The following RPH3AL variants were observed in gnomAD, a reference collection of about 807,000 sequenced individuals.
RPH3AL encodes the protein rabphilin 3A like (without C2 domains), also known as rab effector Noc2.
Under a neutral mutation model 43.1 loss-of-function variants are expected in RPH3AL, and 38 were observed. The ratio of observed to expected loss-of-function variants is 0.88; its 90% confidence interval spans 0.68 to 1.15. The LOEUF (loss-of-function observed/expected upper bound fraction) is 1.15, where lower values mean the gene tolerates loss of function less well. RPH3AL is among the 50% of genes most tolerant of loss of function. The probability of loss-of-function intolerance (pLI) is 0.00; values close to 1 mark genes in which losing one functional copy is unlikely to be tolerated. For synonymous variants in RPH3AL, 189 were observed against 176.3 expected (o/e 1.07, Z -0.57); for missense variants, 462 against 423.2 (o/e 1.09, Z -0.81).
chr17:325,433 A>G (rs1027710202), intron 3 of RPH3AL, among the ~76,000 whole-genome samples: 1 of 151,984 alleles, frequency 6.6e-6, no homozygotes, highest in African/African-American at 2.4e-5. Flanking sequence ...CACTCACAAC[A>G]CACTGACCTC....
rs547007881 is a variant in RPH3AL, at chr17:280,091, C to CA, written c.438+1676dup. 3.0e-3 allele frequency among the ~76,000 whole-genome samples: 463 copies of CA among 152,252 alleles called. 1 individual carries two copies. The highest frequency in any genetic ancestry group is 5.8e-3 in the South Asian group (28 of 4,824). On this transcript the variant is annotated intron_variant, in intron 6 of 9. Coordinates refer to ENST00000331302, the MANE Select transcript of RPH3AL (RefSeq NM_006987.4). ...AACAACAGCAGCAAGGAAATGTGCG[C>CA]AAAAACAAGATCTATATCTCCATGG...
chr17:327,451 C>G lies in RPH3AL; in HGVS notation c.77+16G>C, dbSNP rs762133273. The G allele has an allele frequency of 1.9e-6, 3 of 1,611,962 alleles. No individual in the cohort carries two copies. Among genetic ancestry groups the G allele is most frequent in the African/African-American group, 1.3e-5 (1 of 74,884 alleles). On this transcript the variant is annotated intron_variant, in intron 3 of 9. Coordinates refer to ENST00000331302, the MANE Select transcript of RPH3AL (RefSeq NM_006987.4). ...CAGAAGGAAGGGACGGCCTGGGGGGCCCCAGAGGTACTCACTTGGCTCGAA... is the reference window on the plus strand; with the variant it reads ...CAGAAGGAAGGGACGGCCTGGGGGGGCCCAGAGGTACTCACTTGGCTCGAA...
At chr17:317,599 G>T (rs181051003) in intron 5 of RPH3AL, among the ~76,000 whole-genome samples, 1 of 151,966 alleles carries the variant, frequency 6.6e-6, no homozygotes, top group Non-Finnish European at 1.5e-5. Flanking sequence ...GGAGGAGCCC[G>T]CACAGTCTTA....
intron 6 of RPH3AL, among the ~76,000 whole-genome samples, chr17:250,950 G>C (rs899577988): frequency 1.3e-5 from 2 of 152,266 alleles, no homozygotes; most frequent in Admixed American, 6.5e-5. Flanking sequence ...AGGTGCACAG[G>C]GTTATCCCAG....
In RPH3AL at chr17:213,356, A is replaced by G. The variant is rs888873762; in HGVS notation, c.*496T>C. ...GGGGGGCACTGCGCCTGCCTCCCAGAGCTGAAGGGAGAGGGAGAGGGTGGG... is the reference window on the plus strand; with the variant it reads ...GGGGGGCACTGCGCCTGCCTCCCAGGGCTGAAGGGAGAGGGAGAGGGTGGG... On this transcript the variant is annotated 3_prime_UTR_variant, in exon 10 of 10. Transcript: ENST00000331302. 9 of 174,792 alleles carry G rather than the reference A, an allele frequency of 5.1e-5. No individual in the cohort carries two copies. Among genetic ancestry groups the G allele is most frequent in the Admixed American group, 4.9e-4 (9 of 18,362 alleles). The allele number at this position is 174,792 out of a possible 1,614,324, so 10.8% of individuals were successfully genotyped here. A position where few individuals can be genotyped will look rare whatever the true frequency, so the allele number is the denominator to read the frequency against.
intron 3 of RPH3AL, among the ~76,000 whole-genome samples, chr17:324,580 A>T (rs1234666635): frequency 6.6e-6 from 1 of 152,160 alleles, no homozygotes; most frequent in Non-Finnish European, 1.5e-5. Flanking sequence ...GGCTTCGTGC[A>T]GTCCCCAGGC....
At chr17:279,923 G>A (rs1227656900) in intron 6 of RPH3AL, among the ~76,000 whole-genome samples, 2 of 152,212 alleles carry the variant, frequency 1.3e-5, no homozygotes, top group African/African-American at 2.4e-5. Flanking sequence ...CGCAGCAACT[G>A]TGGAGCAGAC....
chr17:348,535 G>GA (rs56974223), intron 1 of RPH3AL, among the ~76,000 whole-genome samples: 103,292 of 139,588 alleles, frequency 0.74, 37,102 homozygotes, highest in Middle Eastern at 0.87. Context: ...CACTGTTCAA[G>GA]AAAAAAAAAA....
At position 333,510 on chromosome 17, in the gene RPH3AL, A is replaced by T; in HGVS notation, c.-37+249T>A. 2.9e-6 allele frequency: 1 copy of T among 340,778 alleles called. No individual in the cohort carries two copies. Among genetic ancestry groups the T allele is most frequent in the South Asian group, 2.3e-5 (1 of 42,658 alleles). 21.1% of individuals were successfully genotyped at this position (340,778 alleles called of 1,614,324 possible). A position where few individuals can be genotyped will look rare whatever the true frequency, so the allele number is the denominator to read the frequency against. On this transcript the variant is annotated intron_variant, in intron 2 of 9. Coordinates refer to ENST00000331302, the MANE Select transcript of RPH3AL (RefSeq NM_006987.4). The surrounding 1 kb of genome is among the most constrained non-coding windows in gnomAD (Gnocchi z 4.5). ...TATATATGCTGCTTGCTGGTTTTTT[A>T]AACCACCTTGTGCTTTCCCACAGTA...
chr17:348,174 T>C (rs2045280665), intron 1 of RPH3AL, among the ~76,000 whole-genome samples: 1 of 150,184 alleles, frequency 6.7e-6, no homozygotes, highest in Non-Finnish European at 1.5e-5. Flanking sequence ...TCCAACTACA[T>C]CTATGACATT....
chr17:328,219 G>T lies in RPH3AL; in HGVS notation c.-36-640C>A, dbSNP rs1031232806. 2.0e-5 allele frequency among the ~76,000 whole-genome samples: 3 copies of T among 151,782 alleles called. No homozygotes were observed. The highest frequency in any genetic ancestry group is 2.9e-5 in the Non-Finnish European group (2 of 67,942). ...CCCCCAGGGAGGTGGCCCTGCTCCA[G>T]GACCCCCTGAGGGCTTCACCTGTGC... On this transcript the variant is annotated intron_variant, in intron 2 of 9. Transcript: ENST00000331302. The surrounding 1 kb of genome is among the most constrained non-coding windows in gnomAD (Gnocchi z 4.2).
chr17:322,619 G>T lies in RPH3AL; in HGVS notation c.78-1204C>A, dbSNP rs771529960. 2.6e-5 allele frequency among the ~76,000 whole-genome samples: 4 copies of T among 152,066 alleles called. No homozygotes were observed. Among genetic ancestry groups the T allele is most frequent in the Admixed American group, 6.5e-5 (1 of 15,268 alleles). On this transcript the variant is annotated intron_variant, in intron 3 of 9. Transcript: ENST00000331302. This position sits in a 1 kb window ranked among gnomAD's most constrained non-coding sequence, Gnocchi z 4.0. Reference sequence around the variant, plus strand: ...AGGGAGGGGATGAGGCTCTGGAAAGGCTCGCTTTCTTTAGGGAAGTGTCAG... The same window carrying T: ...AGGGAGGGGATGAGGCTCTGGAAAGTCTCGCTTTCTTTAGGGAAGTGTCAG...
At chr17:224,618 G>T (rs559827242) in intron 7 of RPH3AL, among the ~76,000 whole-genome samples, 2 of 152,342 alleles carry the variant, frequency 1.3e-5, no homozygotes, top group South Asian at 4.1e-4. Flanking sequence ...TGCAAATGAG[G>T]CTGGTGTGGC....
intron 8 of RPH3AL, among the ~76,000 whole-genome samples, chr17:218,501 G>C (rs1266594324): frequency 2.0e-5 from 3 of 152,088 alleles, no homozygotes; most frequent in Non-Finnish European, 4.4e-5. Context: ...TTTCATTCCT[G>C]TTTGGGGCAG....
intron 8 of RPH3AL, among the ~76,000 whole-genome samples, chr17:219,348 G>A (rs1056952931): frequency 3.3e-5 from 5 of 150,632 alleles, no homozygotes; most frequent in Non-Finnish European, 5.9e-5. Flanking sequence ...ACAGGCACCC[G>A]CCACCACACC....
At chr17:230,340 G>A (rs2041202834) in intron 7 of RPH3AL, among the ~76,000 whole-genome samples, 1 of 152,246 alleles carries the variant, frequency 6.6e-6, no homozygotes, top group East Asian at 1.9e-4. Context: ...AGGAGCTCCA[G>A]ATAGAATGAA....
chr17:302,243 G>T (rs2043347579), intron 5 of RPH3AL, among the ~76,000 whole-genome samples: 1 of 152,128 alleles, frequency 6.6e-6, no homozygotes, highest in Non-Finnish European at 1.5e-5. Context: ...CTCTCGTCCA[G>T]CCTTTGCCTG....
At chr17:304,896 G>A (rs1259366868) in intron 5 of RPH3AL, among the ~76,000 whole-genome samples, 1 of 141,698 alleles carries the variant, frequency 7.1e-6, no homozygotes, top group Admixed American at 7.2e-5. Context: ...AGCGCCACGA[G>A]CTCCTAGGGC....
intron 5 of RPH3AL, among the ~76,000 whole-genome samples, chr17:310,202 C>A (rs549556784): frequency 6.6e-6 from 1 of 152,276 alleles, no homozygotes; most frequent in East Asian, 1.9e-4. Context: ...GAGCACCAGT[C>A]CTCTCTAATT....
Sources: gnomAD v4.1 joint callset for allele counts (sites outside exome capture counted in the v4.1 genomes callset) on GRCh38, gnomAD v4.1.1 for gene constraint, Gnocchi (gnomAD v3.1) non-coding constraint, MANE v1.5 for transcripts, NCBI Gene and HGNC (gene_info 2026-07-23, HGNC 2026-07-21) for gene names.